The following GSE1 variants were observed in gnomAD, a reference collection of about 807,000 sequenced individuals.
The protein encoded by GSE1 is Gse1 coiled-coil protein.
In GSE1, 32 loss-of-function variants were observed where a neutral mutation model predicts 112.6. The observed-to-expected ratio is 0.28, with a 90% CI of 0.21 to 0.38. GSE1 has a LOEUF of 0.38. GSE1 is among the 10% of genes least tolerant of loss of function. The pLI is 1.00. For missense variants in GSE1, 2,348 were observed against 1,699.2 expected (o/e 1.38, Z -6.71); for synonymous variants, 1,115 against 735.6 (o/e 1.52, Z -8.35).
intron 2 of GSE1, among the ~76,000 whole-genome samples, chr16:85,452,420 A>C (rs901674896): frequency 6.6e-6 from 1 of 152,008 alleles, no homozygotes; most frequent in Non-Finnish European, 1.5e-5. Flanking sequence ...CTAGGGACAG[A>C]CTCTAACAAA....
intron 2 of GSE1, among the ~76,000 whole-genome samples, chr16:85,386,803 C>T (rs1042989830): frequency 6.6e-6 from 1 of 152,196 alleles, no homozygotes. Context: ...AGAGGCTTCT[C>T]CTGGAGTTCT....
At chr16:85,542,121 G>C (rs1384991668) in intron 2 of GSE1, among the ~76,000 whole-genome samples, 1 of 152,206 alleles carries the variant, frequency 6.6e-6, no homozygotes, top group Non-Finnish European at 1.5e-5. Context: ...GGTTGGAGGA[G>C]GGGGAGCCCG....
intron 1 of GSE1, among the ~76,000 whole-genome samples, chr16:85,215,436 C>G (rs79872337): frequency 0.076 from 11,555 of 152,214 alleles, 616 homozygotes; most frequent in Middle Eastern, 0.12. Flanking sequence ...GGGATAAAAA[C>G]TACACCTTAG....
intron 2 of GSE1, among the ~76,000 whole-genome samples, chr16:85,369,466 C>G (rs1261323662): frequency 6.6e-6 from 1 of 152,084 alleles, no homozygotes; most frequent in Non-Finnish European, 1.5e-5. Context: ...TCCTCCCTCC[C>G]AAAGCAGTCC....
chr16:85,276,427 C>T (rs1200935717), intron 1 of GSE1, among the ~76,000 whole-genome samples: 1 of 152,204 alleles, frequency 6.6e-6, no homozygotes, highest in Non-Finnish European at 1.5e-5. Context: ...TTTGTTCACC[C>T]AGCGGTTTTC....
At chr16:85,174,758 A>G (rs531393686) in intron 1 of GSE1, among the ~76,000 whole-genome samples, 1 of 152,292 alleles carries the variant, frequency 6.6e-6, no homozygotes, top group African/African-American at 2.4e-5. Flanking sequence ...ATGGGCAGCG[A>G]AGGTGACACT....
At chr16:85,252,843 A>G (rs1906633557) in intron 1 of GSE1, among the ~76,000 whole-genome samples, 1 of 152,118 alleles carries the variant, frequency 6.6e-6, no homozygotes, top group Non-Finnish European at 1.5e-5. Flanking sequence ...CCAGTAAGGC[A>G]CTCAGCTTCT....
At position 85,645,461 on chromosome 16, in the gene GSE1, C is replaced by T. The variant is rs573162598; in HGVS notation, c.227-3091C>T. Among the ~76,000 whole-genome samples, 9 of 152,296 alleles carry T rather than the reference C, an allele frequency of 5.9e-5. No individual in the cohort carries two copies. The South Asian group carries it at 1.9e-3, about 32-fold the overall frequency. ...AAACCACATTAAAGAGGCCCAGATA[C>T]CGTTCTGCAGGAAGCAACGGACTTG... On this transcript the variant is annotated intron_variant, in intron 2 of 15. Coordinates refer to ENST00000253458, the MANE Select transcript of GSE1 (RefSeq NM_014615.5).
intron 2 of GSE1, among the ~76,000 whole-genome samples, chr16:85,509,503 C>G (rs1360717234): frequency 6.6e-6 from 1 of 152,242 alleles, no homozygotes; most frequent in Non-Finnish European, 1.5e-5. Flanking sequence ...TCCTTGGTCA[C>G]CCACCTGGAG....
chr16:85,442,917 G>A (rs1035046968), intron 2 of GSE1, among the ~76,000 whole-genome samples: 20 of 152,156 alleles, frequency 1.3e-4, no homozygotes, highest in African/African-American at 4.3e-4. Flanking sequence ...TCCGAGCTCC[G>A]GTGGCCGTTG....
At chr16:85,576,023 G>A (rs1274278468) in intron 1 of GSE1, among the ~76,000 whole-genome samples, 1 of 151,948 alleles carries the variant, frequency 6.6e-6, no homozygotes, top group Non-Finnish European at 1.5e-5. Context: ...ACCTGGAAGA[G>A]GTTTCTTATC....
chr16:85,620,952 C>T (rs1213964268), intron 1 of GSE1, among the ~76,000 whole-genome samples: 5 of 151,498 alleles, frequency 3.3e-5, no homozygotes, highest in Middle Eastern at 3.5e-3. Flanking sequence ...TGGGTGTCTG[C>T]TGTGTTGGGG....
At chr16:85,267,013 ACGG>A (rs1908316428) in intron 1 of GSE1, among the ~76,000 whole-genome samples, 1 of 152,176 alleles carries the variant, frequency 6.6e-6, no homozygotes, top group Non-Finnish European at 1.5e-5. Flanking sequence ...GGGCTCCGAG[ACGG>A]CTGGCTCCTT....
chr16:85,349,224 C>T (rs1186443721), intron 1 of GSE1, among the ~76,000 whole-genome samples: 2 of 152,188 alleles, frequency 1.3e-5, no homozygotes, highest in Non-Finnish European at 2.9e-5. Context: ...CTCCCCCTGA[C>T]CCGAAGCCTT....
At chr16:85,255,968 G>A (rs977460084) in intron 1 of GSE1, among the ~76,000 whole-genome samples, 40 of 152,158 alleles carry the variant, frequency 2.6e-4, no homozygotes, top group Admixed American at 1.4e-3. Flanking sequence ...GAATACAGGC[G>A]TGAGCCACCA....
intron 1 of GSE1, among the ~76,000 whole-genome samples, chr16:85,596,878 A>G (rs1404943473): frequency 6.6e-6 from 1 of 152,212 alleles, no homozygotes; most frequent in Non-Finnish European, 1.5e-5. Context: ...TCTACTAAAA[A>G]TACAAAAATT....
intron 2 of GSE1, among the ~76,000 whole-genome samples, chr16:85,519,731 CCATCACCACCATCAG>C (rs1189087501): frequency 1.3e-5 from 1 of 75,740 alleles, no homozygotes; most frequent in African/African-American, 5.2e-5. Context: ...ATCACCATCA[CCATCACCACCATCAG>C]CATCACCATC....
chr16:85,368,847 C>T (rs552601984), intron 2 of GSE1, among the ~76,000 whole-genome samples: 3 of 152,258 alleles, frequency 2.0e-5, no homozygotes, highest in Admixed American at 6.5e-5. Context: ...CAAGGTCACC[C>T]GAGAGTGATG....
chr16:85,627,876 C>A (rs890126916), intron 1 of GSE1, among the ~76,000 whole-genome samples: 1 of 152,242 alleles, frequency 6.6e-6, no homozygotes, highest in African/African-American at 2.4e-5. Flanking sequence ...CCCGCCATCC[C>A]TGTGTCCCCC....
Sources: allele counts gnomAD v4.1 joint callset (sites outside exome capture counted in the v4.1 genomes callset), GRCh38; gene constraint gnomAD v4.1.1; transcripts MANE v1.5; gene names NCBI Gene and HGNC (gene_info 2026-07-23, HGNC 2026-07-21).